The following MRPS30 variants were observed in gnomAD, a reference collection of about 807,000 sequenced individuals.
MRPS30 encodes the protein large ribosomal subunit protein mL65.
A neutral mutation model predicts 43.8 loss-of-function variants in MRPS30; 42 were observed. The ratio of observed to expected loss-of-function variants is 0.96; its 90% CI spans 0.75 to 1.24. The LOEUF (loss-of-function observed/expected upper bound fraction) is 1.24. MRPS30 is among the 50% of genes most tolerant of loss of function. The probability of loss-of-function intolerance (pLI) is 0.00; values close to 1 mark genes in which losing one functional copy is unlikely to be tolerated. For synonymous variants in MRPS30, 273 were observed against 228.2 expected (o/e 1.20, Z -1.77); for missense variants, 638 against 570.0 (o/e 1.12, Z -1.22).
At chr5:44,813,322 G>A (rs764014091) in intron 4 of MRPS30, 40 bp downstream of exon 4, 3 of 1,501,656 alleles carry the variant, frequency 2.0e-6, no homozygotes, top group Non-Finnish European at 2.7e-6. Context: ...GAAGGTATTT[G>A]TAACATTCTA....
chr5:44,809,777 C>T (rs2111852140), intron 1 of MRPS30: 1 of 548,562 alleles, frequency 1.8e-6, no homozygotes, highest in South Asian at 2.7e-5. Context: ...CACCTACCAG[C>T]TCTTCAACTC....
rs1273460644 is a variant in MRPS30, at chr5:44,815,110, G to T, written c.1228G>T (p.Val410Leu). ...TTATGAAACAATTGAGGATAATGAT[G>T]TGAAAGGTTTTAATGATGATGTTCT... Reference protein sequence around the residue: ...PLYETIEDNDVKGFNDDVLLQ... With the variant: ...PLYETIEDNDLKGFNDDVLLQ... Residue 410 changes from valine (V) to leucine (L), a missense_variant, in exon 5 of 5, where the codon GTG (valine) becomes TTG (leucine). Val to Leu is a conservative substitution (Grantham distance 32, BLOSUM62 1). Coordinates refer to ENST00000507110, the MANE Select transcript of MRPS30 (RefSeq NM_016640.4). The T allele has an allele frequency of 6.2e-7, 1 of 1,612,230 alleles. No individual in the cohort carries two copies. Among genetic ancestry groups the T allele is most frequent in the Non-Finnish European group, 8.5e-7 (1 of 1,178,484 alleles).
chr5:44,811,120 A>G lies in MRPS30; in HGVS notation c.713A>G (p.Asn238Ser), dbSNP rs774669434. 1.9e-6 allele frequency: 3 copies of G among 1,614,068 alleles called. No homozygotes were observed. The highest frequency in any genetic ancestry group is 2.2e-5 in the South Asian group (2 of 91,072). ...CGATACCAGATAGATGATAAACCAA[A>G]CAACCAGATTCGAATATCCAAGCAA... ...DLRYQIDDKP[N>S]NQIRISKQLA... Residue 238 changes from asparagine (N) to serine (S), a missense_variant, in exon 2 of 5, where the codon AAC (asparagine) becomes AGC (serine). Transcript: ENST00000507110.
rs1561263071 is a variant in MRPS30 at position 44,809,466 on chromosome 5, G to C, written c.504G>C (p.Glu168Asp). The C allele has an allele frequency of 1.2e-5, 19 of 1,613,970 alleles. No individual in the cohort carries two copies. The highest frequency in any genetic ancestry group is 1.4e-5 in the Non-Finnish European group (16 of 1,180,020). ...RRRRRVHRYE[E>D]SEVISLPFLD... The stretch of plus-strand genomic sequence containing the variant: ...GGCGGCGCGTGCACCGTTACGAGGA[G>C]AGCGAGGTCATATCTTTGCCCTTCC... The change falls in exon 1 of 5, where the codon GAG (glutamate) becomes GAC (aspartate). Residue 168 changes from glutamate (E) to aspartate (D), a missense_variant. Coordinates refer to ENST00000507110, the MANE Select transcript of MRPS30 (RefSeq NM_016640.4).
In MRPS30 at chr5:44,809,447, G is replaced by T. The variant is rs1343926061; in HGVS notation, c.485G>T (p.Arg162Leu). The change falls in exon 1 of 5, where the codon CGC becomes CTC. Residue 162 changes from arginine to leucine, a missense_variant. Coordinates refer to ENST00000507110, the MANE Select transcript of MRPS30 (RefSeq NM_016640.4). ...CACTTCTACCTGCGGCGCAGGCGGC[G>T]CGTGCACCGTTACGAGGAGAGCGAG... ...QEHFYLRRRRRVHRYEESEVI... is the reference protein window; with the variant it reads ...QEHFYLRRRRLVHRYEESEVI... 2 of 1,613,834 alleles carry T rather than the reference G, an allele frequency of 1.2e-6. No homozygotes were observed.
intron 1 of MRPS30, 146 bp downstream of exon 1, chr5:44,809,709 GT>G: frequency 1.1e-6 from 1 of 896,058 alleles, no homozygotes; most frequent in Non-Finnish European, 1.6e-6. Context: ...GGGTGGCCTG[GT>G]TTTGTAACAG....
intron 2 of MRPS30, among the ~76,000 whole-genome samples, chr5:44,811,681 T>A (rs1423160462): frequency 6.6e-6 from 1 of 152,240 alleles, no homozygotes; most frequent in Non-Finnish European, 1.5e-5. Context: ...GCTCTGCTCT[T>A]AACAGTGCAA....
intron 1 of MRPS30, chr5:44,809,837 T>C (rs1336920281): frequency 6.8e-6 from 3 of 442,178 alleles, no homozygotes; most frequent in Non-Finnish European, 8.0e-6. Flanking sequence ...ACTTTGTGAG[T>C]GTTCAGCCAA....
At position 44,813,203 on chromosome 5, in the gene MRPS30, T is replaced by C; in HGVS notation, c.951T>C (p.Ala317=). 1 of 1,613,312 alleles carries C rather than the reference T, an allele frequency of 6.2e-7. No individual in the cohort carries two copies. Among genetic ancestry groups the C allele is most frequent in the Non-Finnish European group, 8.5e-7 (1 of 1,179,678 alleles). ...AAAGGCTTTTGAGACAAAACTGTGC[T>C]GATCAGATAGAAGTTGTTTTTAGAG... The part of the protein sequence containing the change: ...RRERLLRQNC[A]DQIEVVFRAN... The change falls in exon 4 of 5, where the codon GCT becomes GCC. Residue 317 remains alanine (A), a synonymous_variant. Coordinates refer to ENST00000507110, the MANE Select transcript of MRPS30 (RefSeq NM_016640.4).
At chr5:44,810,970 A>G (rs1255202703) in intron 1 of MRPS30, 39 bp from the exon 2 acceptor site, 3 of 1,576,702 alleles carry the variant, frequency 1.9e-6, no homozygotes, top group Admixed American at 1.7e-5. Flanking sequence ...ATTTATTTAG[A>G]TGATCAGATG....
In MRPS30 at chr5:44,811,903, T is replaced by C; in HGVS notation, c.748-12T>C. On this transcript the variant is annotated splice_polypyrimidine_tract_variant and intron_variant, in intron 2 of 4. Transcript: ENST00000507110. ...TGCTGTGAATTTAGTATGTCTTTTC[T>C]TTTTCTTTAAGTTTGTGCCATTGGA... The C allele has an allele frequency of 6.8e-7, 1 of 1,465,406 alleles. No homozygotes were observed. Among genetic ancestry groups the C allele is most frequent in the Non-Finnish European group, 9.2e-7 (1 of 1,083,068 alleles). The allele number at this position is 1,465,406 out of a possible 1,614,324, so 90.8% of individuals were successfully genotyped here.
At position 44,809,528 on chromosome 5, in the gene MRPS30, G is replaced by T. The variant is rs759432261; in HGVS notation, c.566G>T (p.Ser189Ile). ...GTGTCAACCCTCGTGGGCCTCCTCAGCCCACACAACCCGGCCCTGGCCGCT... is the reference window on the plus strand; with the variant it reads ...GTGTCAACCCTCGTGGGCCTCCTCATCCCACACAACCCGGCCCTGGCCGCT... ...QLVSTLVGLL[S>I]PHNPALAAAA... is the part of the protein sequence containing the mutation. Residue 189 changes from serine (S) to isoleucine (I), a missense_variant, in exon 1 of 5, where the codon AGC (serine) becomes ATC (isoleucine). Physicochemically the swap from Ser to Ile is moderately radical, Grantham distance 142. Transcript: ENST00000507110. 6.8e-6 allele frequency: 11 copies of T among 1,609,326 alleles called. No individual in the cohort carries two copies. The highest frequency in any genetic ancestry group is 9.3e-6 in the Non-Finnish European group (11 of 1,177,940).
intron 4 of MRPS30, among the ~76,000 whole-genome samples, chr5:44,813,991 G>A (rs958437952): frequency 2.0e-5 from 3 of 152,128 alleles, no homozygotes; most frequent in African/African-American, 7.2e-5. Flanking sequence ...CCTGAATGGC[G>A]AGGAGCTGCC....
rs769196773 is a variant in MRPS30, at chr5:44,809,310, G to T, written c.348G>T (p.Ser116=). 2 of 1,612,646 alleles carry T rather than the reference G, an allele frequency of 1.2e-6. No homozygotes were observed. Among genetic ancestry groups the T allele is most frequent in the Non-Finnish European group, 1.7e-6 (2 of 1,179,618 alleles). Residue 116 remains serine (S), a synonymous_variant, in exon 1 of 5, where the codon TCG becomes TCT. Coordinates refer to ENST00000507110, the MANE Select transcript of MRPS30 (RefSeq NM_016640.4). ...ACTTCACCAAGACCGTGTTCCTGTC[G>T]GGTCTGCCGCCGCCCCCAGCGGAGC... The part of the protein sequence containing the change: ...YQYFTKTVFL[S]GLPPPPAEPE...
chr5:44,809,070 C>T lies in MRPS30; in HGVS notation c.108C>T (p.Val36=). The change falls in exon 1 of 5, where the codon GTC becomes GTT. Residue 36 remains valine (V), a synonymous_variant. Transcript: ENST00000507110. ...CTACAGAAACGACCTGCCAAGACGT[C>T]GCGGCGACCCCCGTCGCGCGGTACC... The part of the protein sequence containing the change: ...ATATETTCQD[V]AATPVARYPP... The T allele has an allele frequency of 1.2e-6, 2 of 1,609,944 alleles. No homozygotes were observed. The highest frequency in any genetic ancestry group is 1.7e-6 in the Non-Finnish European group (2 of 1,178,722).
At chr5:44,809,708 G>A in intron 1 of MRPS30, 145 bp downstream of exon 1, 2 of 927,350 alleles carry the variant, frequency 2.2e-6, no homozygotes, top group South Asian at 3.5e-5. Flanking sequence ...GGGGTGGCCT[G>A]GTTTTGTAAC....
At chr5:44,813,772 T>G (rs962986147) in intron 4 of MRPS30, 2 of 152,544 alleles carry the variant, frequency 1.3e-5, no homozygotes, top group Non-Finnish European at 2.9e-5. Flanking sequence ...AGATCCTGCT[T>G]TCTTAGAGCT....
In MRPS30 at chr5:44,809,498, A is replaced by G; in HGVS notation, c.536A>G (p.Gln179Arg). The change falls in exon 1 of 5, where the codon CAG becomes CGG. Residue 179 changes from glutamine to arginine, a missense_variant. Gln to Arg is a conservative substitution (Grantham distance 43, BLOSUM62 1). Coordinates refer to ENST00000507110, the MANE Select transcript of MRPS30 (RefSeq NM_016640.4). ...SEVISLPFLDQLVSTLVGLLS... is the reference protein window; with the variant it reads ...SEVISLPFLDRLVSTLVGLLS... ...GTCATATCTTTGCCCTTCCTGGATC[A>G]GCTGGTGTCAACCCTCGTGGGCCTC... 2 of 1,613,738 alleles carry G rather than the reference A, an allele frequency of 1.2e-6. No homozygotes were observed. Among genetic ancestry groups the G allele is most frequent in the African/African-American group, 1.3e-5 (1 of 75,056 alleles).
At position 44,809,417 on chromosome 5, in the gene MRPS30, A is replaced by G. The variant is rs1554027038; in HGVS notation, c.455A>G (p.Gln152Arg). The change falls in exon 1 of 5, where the codon CAG (glutamine) becomes CGG (arginine). Residue 152 changes from glutamine (Q) to arginine (R), a missense_variant. Physicochemically the swap from Gln to Arg is conservative, Grantham distance 43 (BLOSUM62 1). Coordinates refer to ENST00000507110, the MANE Select transcript of MRPS30 (RefSeq NM_016640.4). ...LRAVACDCLLQEHFYLRRRRR... is the reference protein window; with the variant it reads ...LRAVACDCLLREHFYLRRRRR... ...GCGGTCGCCTGCGACTGCCTGCTGC[A>G]GGAGCACTTCTACCTGCGGCGCAGG... is the stretch of plus-strand genomic sequence containing the variant. The G allele has an allele frequency of 3.7e-6, 6 of 1,613,092 alleles. No individual in the cohort carries two copies. Among genetic ancestry groups the G allele is most frequent in the South Asian group, 3.3e-5 (3 of 91,054 alleles).
Sources: allele counts gnomAD v4.1 joint callset (sites outside exome capture counted in the v4.1 genomes callset), GRCh38; gene constraint gnomAD v4.1.1; transcripts MANE v1.5; gene names NCBI Gene and HGNC (gene_info 2026-07-23, HGNC 2026-07-21).